Variants in GALNT15 observed in about 807,000 individuals in gnomAD.
The protein encoded by GALNT15 is UDP-GalNAc transferase T15.
A neutral mutation model predicts 66.8 loss-of-function variants in GALNT15; 67 were observed. The observed-to-expected ratio is 1.00, with a 90% confidence interval of 0.82 to 1.23. The LOEUF (loss-of-function observed/expected upper bound fraction) is 1.23, where lower values mean the gene tolerates loss of function less well. Ranked by LOEUF, GALNT15 falls within the 50% of genes most tolerant of loss-of-function variation. The pLI is 0.00. For missense variants in GALNT15, 827 were observed against 804.3 expected, an observed-to-expected ratio of 1.03 and a Z score of -0.34; for synonymous variants, 313 against 311.5, an observed-to-expected ratio of 1.00 and a Z score of -0.05.
In GALNT15 at chr3:16,228,173, A is replaced by G. The variant is rs1239822369; in HGVS notation, c.*673A>G. 2 of 985,918 alleles carry G rather than the reference A, an allele frequency of 2.0e-6. No individual in the cohort carries two copies. The highest frequency in any genetic ancestry group is 2.4e-6 in the Non-Finnish European group (2 of 830,070). The allele number at this position is 985,918 out of a possible 1,614,324, so 61.1% of individuals were successfully genotyped here. On this transcript the variant is annotated 3_prime_UTR_variant, in exon 10 of 10. Coordinates refer to ENST00000339732, the MANE Select transcript of GALNT15 (RefSeq NM_054110.5). ...TGTTAATGAGAATTTCCACCATTGTAGAGAATTTCCTTCCTACTGAGAATC... is the reference window on the plus strand; with the variant it reads ...TGTTAATGAGAATTTCCACCATTGTGGAGAATTTCCTTCCTACTGAGAATC...
In GALNT15 at chr3:16,212,652, C is replaced by T. The variant is rs1042129728; in HGVS notation, c.1281C>T (p.Pro427=). The T allele has an allele frequency of 1.9e-6, 3 of 1,613,982 alleles. No homozygotes were observed. The highest frequency in any genetic ancestry group is 2.5e-6 in the Non-Finnish European group (3 of 1,180,032). ...HIYQNQDSHS[P]LDQEATLRNR... ...ACCAAAATCAGGATTCCCATTCCCC[C>T]CTCGACCAGGAGGCCACCCTGAGGA... is the stretch of plus-strand genomic sequence containing the variant. The change falls in exon 6 of 10, where the codon CCC becomes CCT. Residue 427 remains proline, a synonymous_variant. Coordinates refer to ENST00000339732, the MANE Select transcript of GALNT15 (RefSeq NM_054110.5).
intron 9 of GALNT15, 110 bp downstream of exon 9, chr3:16,222,868 C>CT: frequency 1.6e-6 from 2 of 1,277,546 alleles, no homozygotes; most frequent in Non-Finnish European, 2.2e-6. Flanking sequence ...GGACCTCTGC[C>CT]TCTGCTTTTG....
chr3:16,211,021 C>T lies in GALNT15; in HGVS notation c.1080-103C>T. The T allele has an allele frequency of 6.4e-6, 5 of 777,314 alleles. No individual in the cohort carries two copies. The South Asian group carries it at 7.5e-5, about 12-fold the overall frequency. The allele number at this position is 777,314 out of a possible 1,614,324, so 48.2% of individuals were successfully genotyped here. The stretch of plus-strand genomic sequence containing the variant: ...ATTTTACCTGAGCCTAAAGCCTGTT[C>T]TCTCAGCCACTGGAGCTCCCACCTG... On this transcript the variant is annotated intron_variant, in intron 4 of 9. Transcript: ENST00000339732. The surrounding 1 kb of genome is among the most constrained non-coding windows in gnomAD (Gnocchi z 4.3).
rs1051617493 is a variant in GALNT15, at chr3:16,187,119, C to A, written c.540-8641C>A. On this transcript the variant is annotated intron_variant, in intron 1 of 9. Coordinates refer to ENST00000339732, the MANE Select transcript of GALNT15 (RefSeq NM_054110.5). This position sits in a 1 kb window ranked among gnomAD's most constrained non-coding sequence, Gnocchi z 5.1. ...TCTCTACAAAAAATACAAAAATTAGCGAGGCATGGTGGTGCATGCCTGTAA... is the reference window on the plus strand; with the variant it reads ...TCTCTACAAAAAATACAAAAATTAGAGAGGCATGGTGGTGCATGCCTGTAA... 6.6e-6 allele frequency among the ~76,000 whole-genome samples: 1 copy of A among 151,960 alleles called. No individual in the cohort carries two copies. Among genetic ancestry groups the A allele is most frequent in the Non-Finnish European group, 1.5e-5 (1 of 68,010 alleles).
intron 3 of GALNT15, among the ~76,000 whole-genome samples, chr3:16,205,840 ATC>A (rs1329273747): frequency 5.3e-5 from 8 of 152,210 alleles, no homozygotes; most frequent in Non-Finnish European, 1.2e-4. Flanking sequence ...TTTATTCTTT[ATC>A]TCTATCCAAA....
At position 16,211,305 on chromosome 3, in the gene GALNT15, C is replaced by T; in HGVS notation, c.1197+64C>T. The T allele has an allele frequency of 1.0e-6, 1 of 990,344 alleles. No homozygotes were observed. The allele number at this position is 990,344 out of a possible 1,614,324, so 61.3% of individuals were successfully genotyped here. A position where few individuals can be genotyped will look rare whatever the true frequency, so the allele number is the denominator to read the frequency against. ...TGGAGTGGTGTGTATGGTCACAGCT[C>T]AGAGGCAGGCATTAGAAATGTCACT... On this transcript the variant is annotated intron_variant, in intron 5 of 9. Coordinates refer to ENST00000339732, the MANE Select transcript of GALNT15 (RefSeq NM_054110.5). The surrounding 1 kb of genome is among the most constrained non-coding windows in gnomAD (Gnocchi z 4.3).
At chr3:16,202,378 A>G (rs527565031) in intron 3 of GALNT15, among the ~76,000 whole-genome samples, 2 of 152,360 alleles carry the variant, frequency 1.3e-5, no homozygotes, top group East Asian at 1.9e-4. Context: ...CATGCCTGTA[A>G]TCCCAGCACT....
In GALNT15 at chr3:16,207,501, T is replaced by TAAA. The variant is rs36127239; in HGVS notation, c.912-962_912-960dup. Among the ~76,000 whole-genome samples, 98 of 39,844 alleles carry TAAA rather than the reference T, an allele frequency of 2.5e-3. 3 individuals carry two copies. Among genetic ancestry groups the TAAA allele is most frequent in the Non-Finnish European group, 3.7e-3 (88 of 23,694 alleles). The allele number at this position is 39,844 out of a possible 152,430, so 26.1% of individuals were successfully genotyped here. On this transcript the variant is annotated intron_variant, in intron 3 of 9. Transcript: ENST00000339732. Reference sequence around the variant, plus strand: ...ACTCTGCAGTCATATCTCCAGGCTGTAAAAAAAAAAAAAAAAAAAAAAAAA... The same window carrying TAAA: ...ACTCTGCAGTCATATCTCCAGGCTGTAAAAAAAAAAAAAAAAAAAAAAAAAAAA...
chr3:16,181,623 G>T lies in GALNT15; in HGVS notation c.539+5933G>T, dbSNP rs1438325910. Among the ~76,000 whole-genome samples the T allele has an allele frequency of 1.3e-5, 2 of 152,162 alleles. No homozygotes were observed. The highest frequency in any genetic ancestry group is 2.9e-5 in the Non-Finnish European group (2 of 68,032). On this transcript the variant is annotated intron_variant, in intron 1 of 9. Coordinates refer to ENST00000339732, the MANE Select transcript of GALNT15 (RefSeq NM_054110.5). This position sits in a 1 kb window ranked among gnomAD's most constrained non-coding sequence, Gnocchi z 5.9. ...AGATGACTCCCCACACCCCTTGTTG[G>T]CTGTGATAGCCTGGCCTGCAAAAGA...
the GALNT15 span, among the ~76,000 whole-genome samples, chr3:16,245,104 C>A: frequency 1.1e-4 from 17 of 152,160 alleles, no homozygotes; most frequent in Admixed American, 5.9e-4. Flanking sequence ...GGATGGGAAC[C>A]AGTGGATGGA....
chr3:16,175,483 G>T lies in GALNT15; in HGVS notation c.332G>T (p.Gly111Val), dbSNP rs776174037. 1 of 1,613,984 alleles carries T rather than the reference G, an allele frequency of 6.2e-7. No homozygotes were observed. Among genetic ancestry groups the T allele is most frequent in the Admixed American group, 1.7e-5 (1 of 60,012 alleles). Residue 111 changes from glycine (G) to valine (V), a missense_variant, in exon 1 of 10, where the codon GGC becomes GTC. Coordinates refer to ENST00000339732, the MANE Select transcript of GALNT15 (RefSeq NM_054110.5). The surrounding 1 kb of genome is among the most constrained non-coding windows in gnomAD (Gnocchi z 5.6). Reference protein sequence around the residue: ...LPQARRNQSQGRRGGSYRLIK... With the variant: ...LPQARRNQSQVRRGGSYRLIK... Reference sequence around the variant, plus strand: ...CAGGCCAGAAGGAACCAGAGCCAGGGCAGGAGAGGTGGGAGCTACCGCCTC... The same window carrying T: ...CAGGCCAGAAGGAACCAGAGCCAGGTCAGGAGAGGTGGGAGCTACCGCCTC...
Position 16,188,572 on chromosome 3 carries a change from C to G in GALNT15, c.540-7188C>G, listed in dbSNP as rs184570363. On this transcript the variant is annotated intron_variant, in intron 1 of 9. Transcript: ENST00000339732. The surrounding 1 kb of genome is among the most constrained non-coding windows in gnomAD (Gnocchi z 4.6). ...CACATCTCCCTGGCTGGTGTTTGAG[C>G]TTATGCTCCCTTCAAACCTGAACAA... 7.2e-5 allele frequency among the ~76,000 whole-genome samples: 11 copies of G among 152,300 alleles called. No homozygotes were observed. In the East Asian group the frequency reaches 2.1e-3, roughly 29 times the overall value.
At chr3:16,232,508 A>T (rs537369973), downstream of GALNT15, among the ~76,000 whole-genome samples, 1,115 of 78,436 alleles carry the variant, frequency 0.014, 86 homozygotes, top group African/African-American at 0.063. Flanking sequence ...ATATATATAT[A>T]TATTTATTTA....
intron 9 of GALNT15, among the ~76,000 whole-genome samples, chr3:16,226,512 C>T (rs990112661): frequency 3.9e-5 from 6 of 152,296 alleles, no homozygotes; most frequent in Non-Finnish European, 8.8e-5. Flanking sequence ...AAGCAAGCCC[C>T]GTCCTTACAT....
At chr3:16,196,072 CTT>C in intron 2 of GALNT15, 146 bp downstream of exon 2, 1 of 760,594 alleles carries the variant, frequency 1.3e-6, no homozygotes, top group Non-Finnish European at 2.1e-6. Flanking sequence ...GGGCAAGTAA[CTT>C]ATGAATGAAG....
intron 2 of GALNT15, among the ~76,000 whole-genome samples, chr3:16,199,726 G>A (rs56317423): frequency 2.0e-5 from 3 of 151,582 alleles, no homozygotes; most frequent in African/African-American, 7.3e-5. Flanking sequence ...GCACTGCGGG[G>A]TCTGTCTTGC....
Position 16,176,455 on chromosome 3 carries a change from G to A in GALNT15, c.539+765G>A, listed in dbSNP as rs1239945669. ...ACCTGCCTTGGGCCACTAGACTAAG[G>A]AAACAGGTCCAGTGCCTGAGAGCCA... is the stretch of plus-strand genomic sequence containing the variant. On this transcript the variant is annotated intron_variant, in intron 1 of 9. Coordinates refer to ENST00000339732, the MANE Select transcript of GALNT15 (RefSeq NM_054110.5). This position sits in a 1 kb window ranked among gnomAD's most constrained non-coding sequence, Gnocchi z 5.6. Among the ~76,000 whole-genome samples the A allele has an allele frequency of 6.6e-6, 1 of 152,186 alleles. No individual in the cohort carries two copies. The highest frequency in any genetic ancestry group is 1.5e-5 in the Non-Finnish European group (1 of 68,030).
chr3:16,182,525 A>G lies in GALNT15; in HGVS notation c.539+6835A>G, dbSNP rs1265411190. On this transcript the variant is annotated intron_variant, in intron 1 of 9. Transcript: ENST00000339732. The surrounding 1 kb of genome is among the most constrained non-coding windows in gnomAD (Gnocchi z 6.1). ...GTAAGTAAGGAACAGGGAACTGTCC[A>G]GACAAGGTTGAAGGAGGTGGACAGG... Among the ~76,000 whole-genome samples the G allele has an allele frequency of 1.3e-5, 2 of 152,242 alleles. No homozygotes were observed. Among genetic ancestry groups the G allele is most frequent in the African/African-American group, 4.8e-5 (2 of 41,470 alleles).
At position 16,191,446 on chromosome 3, in the gene GALNT15, T is replaced by C. The variant is rs1356055768; in HGVS notation, c.540-4314T>C. ...CTCCACAACAGCAAATCCCAAAAAG[T>C]GGGCCCTACGGCTACCTTTCTGAGG... On this transcript the variant is annotated intron_variant, in intron 1 of 9. Coordinates refer to ENST00000339732, the MANE Select transcript of GALNT15 (RefSeq NM_054110.5). The surrounding 1 kb of genome is among the most constrained non-coding windows in gnomAD (Gnocchi z 5.2). The C allele has an allele frequency of 1.6e-6, 1 of 632,326 alleles. No individual in the cohort carries two copies. Among genetic ancestry groups the C allele is most frequent in the Non-Finnish European group, 2.0e-6 (1 of 507,464 alleles). 39.2% of individuals were successfully genotyped at this position (632,326 alleles called of 1,614,324 possible). A position where few individuals can be genotyped will look rare whatever the true frequency, so the allele number is the denominator to read the frequency against.
Sources: gnomAD v4.1 joint callset for allele counts (sites outside exome capture counted in the v4.1 genomes callset) on GRCh38, gnomAD v4.1.1 for gene constraint, Gnocchi (gnomAD v3.1) non-coding constraint, MANE v1.5 for transcripts, NCBI Gene and HGNC (gene_info 2026-07-23, HGNC 2026-07-21) for gene names.